Variants in ATM observed in about 807,000 individuals in gnomAD.
ATM encodes the protein serine-protein kinase ATM.
Under a neutral mutation model 387.0 loss-of-function variants are expected in ATM, and 308 were observed. The ratio of observed to expected loss-of-function variants is 0.80; its 90% CI spans 0.73 to 0.87. ATM has a LOEUF of 0.87. Ranked by LOEUF, ATM falls within the 40% of genes least tolerant of loss-of-function variation. ATM has a pLI of 0.00. For synonymous variants in ATM, 1,156 were observed against 1,187.3 expected (o/e 0.97, Z 0.54); for missense variants, 3,312 against 3,560.9 (o/e 0.93, Z 1.78).
At chr11:108,240,466 G>A (rs923133481) in intron 5 of ATM, among the ~76,000 whole-genome samples, 2 of 152,106 alleles carry the variant, frequency 1.3e-5, no homozygotes, top group East Asian at 1.9e-4. Context: ...TCTTTGTTGC[G>A]TGAACGTCAT....
intron 40 of ATM, 68 bp downstream of exon 40, chr11:108,312,566 C>A (rs2084268311): frequency 1.8e-6 from 2 of 1,133,880 alleles, no homozygotes; most frequent in African/African-American, 1.5e-5. Context: ...TTGTTATAGA[C>A]ACTGTACAGA....
At chr11:108,294,865 T>C (rs2083028676) in intron 31 of ATM, 62 bp from the exon 32 acceptor site, 5 of 1,593,778 alleles carry the variant, frequency 3.1e-6, no homozygotes, top group Admixed American at 3.4e-5. Context: ...TTTCTTTTAT[T>C]AAGTTTTATT....
Position 108,293,495 on chromosome 11 carries a change from A to C in ATM, c.4776+18A>C, listed in dbSNP as rs1206810635. 1 of 1,589,470 alleles carries C rather than the reference A, an allele frequency of 6.3e-7. No homozygotes were observed. The highest frequency in any genetic ancestry group is 1.1e-5 in the South Asian group (1 of 90,378). On this transcript the variant is annotated intron_variant, in intron 31 of 62. Transcript: ENST00000675843. ...TCTTGGAGGTAATAAAAATTTCATC[A>C]TCTACTATTTTTTATTAGAGAACAT...
At chr11:108,267,832 T>G (rs2081347082) in intron 17 of ATM, among the ~76,000 whole-genome samples, 1 of 152,270 alleles carries the variant, frequency 6.6e-6, no homozygotes, top group African/African-American at 2.4e-5. Context: ...CATTCCAGCC[T>G]GGGCGACAGA....
chr11:108,301,318 G>A (rs2083420293), intron 34 of ATM, among the ~76,000 whole-genome samples: 1 of 152,170 alleles, frequency 6.6e-6, no homozygotes, highest in South Asian at 2.1e-4. Flanking sequence ...ATATGAAGAT[G>A]TGGACAAAAG....
chr11:108,363,372 C>G (rs1429433184), intron 61 of ATM, among the ~76,000 whole-genome samples: 2 of 152,160 alleles, frequency 1.3e-5, no homozygotes, highest in African/African-American at 2.4e-5. Context: ...CTCTCCTGGC[C>G]TTCAAGATTT....
chr11:108,245,458 T>C (rs2079800442), intron 7 of ATM, among the ~76,000 whole-genome samples: 1 of 152,182 alleles, frequency 6.6e-6, no homozygotes, highest in Admixed American at 6.5e-5. Context: ...CTGAGGAAGA[T>C]ACATACATAT....
chr11:108,286,769 T>C (rs568632441), intron 26 of ATM, among the ~76,000 whole-genome samples: 47 of 152,300 alleles, frequency 3.1e-4, no homozygotes, highest in African/African-American at 1.0e-3. Context: ...CTGCCTCATT[T>C]ACGTTAGGTT....
At chr11:108,325,648 A>G in intron 46 of ATM, 104 bp downstream of exon 46, 3 of 969,596 alleles carry the variant, frequency 3.1e-6, no homozygotes, top group Non-Finnish European at 4.7e-6. Context: ...AGAGATAGAG[A>G]TCTCTATTAA....
intron 29 of ATM, among the ~76,000 whole-genome samples, chr11:108,290,987 G>A (rs561029932): frequency 1.1e-4 from 16 of 152,202 alleles, no homozygotes; most frequent in Admixed American, 3.3e-4. Flanking sequence ...TGTAATCCCA[G>A]CACTTTGGGA....
chr11:108,231,815 G>T (rs957843932), intron 4 of ATM, among the ~76,000 whole-genome samples: 1 of 151,282 alleles, frequency 6.6e-6, no homozygotes, highest in African/African-American at 2.4e-5. Context: ...TGAGTCCAAA[G>T]AATAATGGTT....
At chr11:108,303,106 C>T (rs2083513908) in intron 36 of ATM, 77 bp downstream of exon 36, 1 of 1,306,304 alleles carries the variant, frequency 7.7e-7, no homozygotes, top group African/African-American at 1.5e-5. Context: ...TACTGCACAT[C>T]ATCTTCACAT....
intron 38 of ATM, 110 bp from the exon 39 acceptor site, chr11:108,310,050 T>G: frequency 8.5e-7 from 1 of 1,183,092 alleles, no homozygotes; most frequent in East Asian, 2.5e-5. Context: ...TTTTGGGAAT[T>G]TGTAATTTTC....
rs887137010 is a variant in ATM, at chr11:108,358,862, C to T, written c.8850+3988C>T. Among the ~76,000 whole-genome samples the T allele has an allele frequency of 5.3e-5, 8 of 151,450 alleles. No homozygotes were observed. In the East Asian group the frequency reaches 5.8e-4, roughly 11 times the overall value. On this transcript the variant is annotated intron_variant, in intron 61 of 62. Coordinates refer to ENST00000675843, the MANE Select transcript of ATM (RefSeq NM_000051.4). ...AATCATGCCAAAATGTAAAGACCAT[C>T]GAGACTAGGAAGAAACTGCATCAAC...
At chr11:108,328,105 G>A (rs1591144951) in intron 48 of ATM, among the ~76,000 whole-genome samples, 1 of 152,234 alleles carries the variant, frequency 6.6e-6, no homozygotes, top group East Asian at 1.9e-4. Flanking sequence ...CATTAGCCCA[G>A]CCACCCACAA....
chr11:108,228,150 TC>T (rs1348546248), intron 3 of ATM, among the ~76,000 whole-genome samples: 9 of 151,894 alleles, frequency 5.9e-5, no homozygotes, highest in Admixed American at 2.0e-4. Context: ...AGAATTTCTT[TC>T]ATTTTAGTTA....
chr11:108,350,307 A>G (rs2089028875), intron 59 of ATM, among the ~76,000 whole-genome samples: 1 of 152,206 alleles, frequency 6.6e-6, no homozygotes, highest in Admixed American at 6.5e-5. Context: ...GAGAGTAATC[A>G]AACTTATTGT....
chr11:108,256,084 A>G, intron 13 of ATM, 131 bp from the exon 14 acceptor site: 2 of 772,632 alleles, frequency 2.6e-6, no homozygotes, highest in South Asian at 2.2e-5. Context: ...GCTATCCAGG[A>G]TATGCCACCT....
intron 48 of ATM, 46 bp from the exon 49 acceptor site, chr11:108,328,975 T>G: frequency 1.3e-6 from 2 of 1,532,964 alleles, no homozygotes; most frequent in Non-Finnish European, 1.8e-6. Flanking sequence ...TTTAGATGTA[T>G]TTAGTATTTG....
Sources: gnomAD v4.1 joint callset for allele counts (sites outside exome capture counted in the v4.1 genomes callset) on GRCh38, gnomAD v4.1.1 for gene constraint, MANE v1.5 for transcripts, NCBI Gene and HGNC (gene_info 2026-07-23, HGNC 2026-07-21) for gene names.